Variants in CLASP1 observed in about 807,000 individuals in gnomAD.
CLASP1 encodes the protein CLIP-associating protein 1.
A neutral mutation model predicts 192.3 loss-of-function variants in CLASP1; 38 were observed. The ratio of observed to expected loss-of-function variants is 0.20; its 90% CI spans 0.15 to 0.26. CLASP1 has a LOEUF of 0.26. Among genes scored for constraint, CLASP1 ranks in the 10% least tolerant of loss-of-function variants. The pLI, the probability that CLASP1 is intolerant of heterozygous loss-of-function variation, is 1.00. For synonymous variants in CLASP1, 691 were observed against 712.8 expected (o/e 0.97, Z 0.49); for missense variants, 1,433 against 1,932.5 (o/e 0.74, Z 4.85).
chr2:121,383,156 G>A (rs548564320), intron 32 of CLASP1, among the ~76,000 whole-genome samples: 2 of 152,286 alleles, frequency 1.3e-5, no homozygotes, highest in South Asian at 2.1e-4. Flanking sequence ...TGGGGAGCTG[G>A]CTGGCTGGTG....
exon 40 of CLASP1, chr2:121,339,126 CAACACCA>C (rs2062581292): frequency 7.0e-6 from 1 of 143,504 alleles, no homozygotes; most frequent in Admixed American, 7.0e-5. Context: ...CAAACACACA[CAACACCA>C]CACACACACA....
intron 8 of CLASP1, among the ~76,000 whole-genome samples, chr2:121,497,902 T>C (rs1250320030): frequency 1.3e-5 from 2 of 152,106 alleles, no homozygotes; most frequent in African/African-American, 2.4e-5. Context: ...ATTTTTTGTA[T>C]TTTTAGTAGA....
intron 34 of CLASP1, among the ~76,000 whole-genome samples, chr2:121,373,887 A>G (rs572400316): frequency 6.6e-6 from 1 of 152,376 alleles, no homozygotes; most frequent in Admixed American, 6.5e-5. Context: ...TTAAAAAGGA[A>G]GCAGAGTGTA....
intron 26 of CLASP1, chr2:121,403,853 T>TCC (rs938634551): frequency 1.1e-4 from 51 of 455,056 alleles, no homozygotes; most frequent in Non-Finnish European, 2.1e-4. Context: ...AGCTAAGTGA[T>TCC]CCCCGTTCAG....
chr2:121,478,917 CACA>C (rs2092255005), intron 8 of CLASP1, among the ~76,000 whole-genome samples: 4 of 58,924 alleles, frequency 6.8e-5, no homozygotes, highest in African/African-American at 3.0e-4. Flanking sequence ...ACACACACCA[CACA>C]CACACCACAC....
At chr2:121,536,943 T>C (rs1380738026) in intron 2 of CLASP1, among the ~76,000 whole-genome samples, 1 of 152,252 alleles carries the variant, frequency 6.6e-6, no homozygotes, top group Non-Finnish European at 1.5e-5. Context: ...TTTTATGTTC[T>C]GTATGTCTTA....
At chr2:121,379,693 T>G (rs1354568742) in intron 33 of CLASP1, among the ~76,000 whole-genome samples, 1 of 151,998 alleles carries the variant, frequency 6.6e-6, no homozygotes, top group East Asian at 1.9e-4. Context: ...CAAGAGGAAG[T>G]CTGGGGGAAC....
chr2:121,369,579 A>G (rs1228371985), intron 34 of CLASP1, among the ~76,000 whole-genome samples: 3 of 152,224 alleles, frequency 2.0e-5, no homozygotes, highest in African/African-American at 7.2e-5. Context: ...ATCACTGTTA[A>G]CAACAAAACC....
At chr2:121,429,979 T>C in intron 20 of CLASP1, 94 bp downstream of exon 20, 1 of 955,868 alleles carries the variant, frequency 1.0e-6, no homozygotes, top group Non-Finnish European at 1.6e-6. Context: ...TGTTTTTCCC[T>C]CTGAAGTCAA....
At chr2:121,459,379 A>C (rs1023370533) in intron 12 of CLASP1, among the ~76,000 whole-genome samples, 1 of 152,110 alleles carries the variant, frequency 6.6e-6, no homozygotes, top group Non-Finnish European at 1.5e-5. Flanking sequence ...TAAAACACAA[A>C]TATGAAAAAG....
intron 33 of CLASP1, among the ~76,000 whole-genome samples, chr2:121,379,909 C>G (rs535779675): frequency 2.0e-5 from 3 of 152,304 alleles, no homozygotes; most frequent in East Asian, 3.9e-4. Flanking sequence ...CTCCTTCTCA[C>G]TTTCAATTAA....
At chr2:121,605,027 T>C (rs1004195968) in intron 2 of CLASP1, among the ~76,000 whole-genome samples, 1 of 152,218 alleles carries the variant, frequency 6.6e-6, no homozygotes, top group Non-Finnish European at 1.5e-5. Context: ...TCTTCAGCAC[T>C]TCAAGTCCAA....
At chr2:121,643,986 A>G (rs2072639368) in intron 1 of CLASP1, among the ~76,000 whole-genome samples, 1 of 152,166 alleles carries the variant, frequency 6.6e-6, no homozygotes, top group Non-Finnish European at 1.5e-5. Flanking sequence ...GATTCCAGTG[A>G]CTTGATTACT....
intron 20 of CLASP1, among the ~76,000 whole-genome samples, chr2:121,427,714 T>G (rs560428106): frequency 1.3e-5 from 2 of 152,194 alleles, no homozygotes; most frequent in African/African-American, 4.8e-5. Flanking sequence ...AGGGAAGTGA[T>G]TGTAACTTAC....
chr2:121,578,217 G>A (rs1269501568), intron 2 of CLASP1, among the ~76,000 whole-genome samples: 1 of 151,896 alleles, frequency 6.6e-6, no homozygotes, highest in African/African-American at 2.4e-5. Context: ...ACACAGGCAT[G>A]AGCCACCACA....
intron 8 of CLASP1, chr2:121,470,226 A>T (rs1422983291): frequency 1.9e-6 from 1 of 535,186 alleles, no homozygotes; most frequent in Admixed American, 2.1e-5. Flanking sequence ...GAAGAAAACA[A>T]TCTCTCATAA....
intron 19 of CLASP1, among the ~76,000 whole-genome samples, chr2:121,431,336 T>A (rs1052101111): frequency 6.6e-6 from 1 of 152,196 alleles, no homozygotes; most frequent in Non-Finnish European, 1.5e-5. Context: ...AACAACTATA[T>A]ATGAGTCCAT....
chr2:121,398,337 T>C, exon 29 of CLASP1: 1 of 1,598,050 alleles, frequency 6.3e-7, no homozygotes, highest in Non-Finnish European at 8.5e-7. Flanking sequence ...GGTTTGGAGT[T>C]TGAGTTTGAT....
chr2:121,348,542 G>C (rs761696550), exon 38 of CLASP1: 1 of 1,612,230 alleles, frequency 6.2e-7, no homozygotes, highest in African/African-American at 1.3e-5. Context: ...TGTCGACAAG[G>C]AGCTGCAGCA....
Sources: allele counts gnomAD v4.1 joint callset (sites outside exome capture counted in the v4.1 genomes callset), GRCh38; gene constraint gnomAD v4.1.1; transcripts MANE v1.5; gene names NCBI Gene and HGNC (gene_info 2026-07-23, HGNC 2026-07-21).